The following P2RY8 variants were observed in gnomAD, a reference collection of about 807,000 sequenced individuals.
P2RY8 encodes P2Y receptor family member 8.
P2RY8 carries 6 observed loss-of-function variants against 10.0 expected under a neutral mutation model. The observed-to-expected ratio is 0.60, with a 90% CI of 0.33 to 1.19. The LOEUF is 1.19. P2RY8 is among the 50% of genes most tolerant of loss of function. The pLI is 0.04. For synonymous variants in P2RY8, 276 were observed against 252.5 expected (o/e 1.09, Z -0.88); for missense variants, 456 against 542.0 (o/e 0.84, Z 1.58).
chrX:1,513,476 G>T (rs1195213085), intron 1 of P2RY8, among the ~76,000 whole-genome samples: 1 of 151,444 alleles, frequency 6.6e-6, no homozygotes, highest in Non-Finnish European at 1.5e-5. Context: ...CCCTGGGCTT[G>T]TGGCCGCATC....
intron 1 of P2RY8, among the ~76,000 whole-genome samples, chrX:1,528,696 C>G (rs1603458663): frequency 6.6e-6 from 1 of 151,396 alleles, no homozygotes. Flanking sequence ...GGACTTGAGT[C>G]TCTTTGAATG....
At chrX:1,475,361 T>G (rs1458301407) in intron 1 of P2RY8, among the ~76,000 whole-genome samples, 1 of 151,702 alleles carries the variant, frequency 6.6e-6, no homozygotes, top group African/African-American at 2.4e-5. Flanking sequence ...GAAATGCCGA[T>G]TGTTTCCAGA....
intron 1 of P2RY8, among the ~76,000 whole-genome samples, chrX:1,523,391 G>C (rs1310416240): frequency 1.3e-5 from 2 of 151,994 alleles, no homozygotes; most frequent in Non-Finnish European, 2.9e-5. Flanking sequence ...TCATCTCCCT[G>C]GTCCCCAATA....
chrX:1,499,979 C>T (rs1464069736), intron 1 of P2RY8, among the ~76,000 whole-genome samples: 1 of 137,622 alleles, frequency 7.3e-6, no homozygotes, highest in East Asian at 2.3e-4. Context: ...CTGCCTCAGC[C>T]TCCCGAGTAG....
At chrX:1,477,081 T>G (rs2091882968) in intron 1 of P2RY8, among the ~76,000 whole-genome samples, 1 of 151,456 alleles carries the variant, frequency 6.6e-6, no homozygotes, top group Non-Finnish European at 1.5e-5. Flanking sequence ...CCCAGCTACT[T>G]GGGAGGCTGA....
rs2091628790 is a variant in P2RY8, at chrX:1,464,203, A to G, written c.*1276T>C. On this transcript the variant is annotated 3_prime_UTR_variant, in exon 2 of 2. Transcript: ENST00000381297. ...CCTCCAGAATGGTCTTTCTCGCCCA[A>G]GAGAGCCTGGGATCCAATTCCACGT... The G allele has an allele frequency of 4.3e-6, 1 of 233,410 alleles. No individual in the cohort carries two copies. The highest frequency in any genetic ancestry group is 5.6e-5 in the Admixed American group (1 of 17,804). 14.5% of individuals were successfully genotyped at this position (233,410 alleles called of 1,614,324 possible).
chrX:1,512,419 T>C (rs746272592), intron 1 of P2RY8, among the ~76,000 whole-genome samples: 4 of 151,654 alleles, frequency 2.6e-5, no homozygotes, highest in Admixed American at 2.0e-4. Context: ...TGGTGGTGGG[T>C]ACCTGTCATC....
intron 1 of P2RY8, among the ~76,000 whole-genome samples, chrX:1,520,247 A>G (rs2092381207): frequency 1.4e-5 from 2 of 147,374 alleles, no homozygotes; most frequent in Admixed American, 1.4e-4. Context: ...AATCTCTCTG[A>G]TCCCAATATT....
rs753461463 is a variant in P2RY8, at chrX:1,466,123, C to T, written c.436G>A (p.Gly146Arg). 3 of 1,611,604 alleles carry T rather than the reference C, an allele frequency of 1.9e-6. No homozygotes were observed. Among genetic ancestry groups the T allele is most frequent in the African/African-American group, 1.3e-5 (1 of 74,866 alleles). ...RRRYAVAACAGTWLLLLTALS... is the reference protein window; with the variant it reads ...RRRYAVAACARTWLLLLTALS... ...GCGGTCAGGAGCAGCAGCCAGGTCCCTGCACACGCGGCCACCGCGTAACGA... is the reference window on the plus strand; with the variant it reads ...GCGGTCAGGAGCAGCAGCCAGGTCCTTGCACACGCGGCCACCGCGTAACGA... The change falls in exon 2 of 2, where the codon GGG becomes AGG. Residue 146 changes from glycine to arginine, a missense_variant. Physicochemically the swap from Gly to Arg is moderately radical, Grantham distance 125. Transcript: ENST00000381297.
rs1257174771 is a variant in P2RY8, at chrX:1,465,454, G to A, written c.*25C>T. 1.3e-6 allele frequency: 2 copies of A among 1,574,916 alleles called. No homozygotes were observed. The highest frequency in any genetic ancestry group is 2.2e-5 in the East Asian group (1 of 44,486). Reference sequence around the variant, plus strand: ...CCTGGATCTCCAAGCTGCGCCCCCGGCTCTCCAAGCTGCGCCCCCGGGACT... The same window carrying A: ...CCTGGATCTCCAAGCTGCGCCCCCGACTCTCCAAGCTGCGCCCCCGGGACT... On this transcript the variant is annotated 3_prime_UTR_variant, in exon 2 of 2. Coordinates refer to ENST00000381297, the MANE Select transcript of P2RY8 (RefSeq NM_178129.5).
chrX:1,481,977 T>C, intron 1 of P2RY8, among the ~76,000 whole-genome samples: 1 of 152,312 alleles, frequency 6.6e-6, no homozygotes, highest in South Asian at 2.1e-4. Flanking sequence ...ATTTGCATGC[T>C]GTCCTCCGCA....
chrX:1,507,375 A>G (rs778676139), intron 1 of P2RY8, among the ~76,000 whole-genome samples: 24 of 152,158 alleles, frequency 1.6e-4, no homozygotes, highest in African/African-American at 5.3e-4. Context: ...CTACTTCCTG[A>G]GTCCTGGAAA....
intron 1 of P2RY8, among the ~76,000 whole-genome samples, chrX:1,491,485 T>C (rs1449701710): frequency 6.6e-6 from 1 of 152,234 alleles, no homozygotes; most frequent in Non-Finnish European, 1.5e-5. Context: ...GTGTAGGGTT[T>C]TCTCCCTAAA....
intron 1 of P2RY8, among the ~76,000 whole-genome samples, chrX:1,525,994 T>G (rs1281172119): frequency 1.1e-4 from 16 of 152,058 alleles, no homozygotes; most frequent in African/African-American, 3.6e-4. Flanking sequence ...TATTCATGCA[T>G]CCATTCACTC....
At chrX:1,499,910 G>A (rs1245216080) in intron 1 of P2RY8, among the ~76,000 whole-genome samples, 2 of 151,742 alleles carry the variant, frequency 1.3e-5, no homozygotes, top group African/African-American at 4.8e-5. Context: ...CCAGGCTGGA[G>A]TGCAGTGGTG....
intron 1 of P2RY8, among the ~76,000 whole-genome samples, chrX:1,536,026 T>C (rs1206392773): frequency 3.9e-5 from 6 of 152,092 alleles, no homozygotes; most frequent in South Asian, 2.1e-4. Flanking sequence ...ACCGTGCTCA[T>C]CCAGGCACCC....
At chrX:1,529,424 G>A (rs1444378637) in intron 1 of P2RY8, among the ~76,000 whole-genome samples, 2 of 152,074 alleles carry the variant, frequency 1.3e-5, no homozygotes, top group African/African-American at 2.4e-5. Context: ...TCACCCTGTG[G>A]TTCAGAATTG....
chrX:1,526,347 C>T (rs1243362037), intron 1 of P2RY8, among the ~76,000 whole-genome samples: 1 of 152,058 alleles, frequency 6.6e-6, no homozygotes, highest in Non-Finnish European at 1.5e-5. Flanking sequence ...TCCATCCATC[C>T]ATCTACTCAG....
intron 1 of P2RY8, among the ~76,000 whole-genome samples, chrX:1,524,633 C>A (rs2092422795): frequency 1.2e-5 from 1 of 85,156 alleles, no homozygotes; most frequent in Non-Finnish European, 2.4e-5. Flanking sequence ...ATTCATCCAT[C>A]CATCCATCCA....
Sources: allele counts gnomAD v4.1 joint callset (sites outside exome capture counted in the v4.1 genomes callset), GRCh38; gene constraint gnomAD v4.1.1; transcripts MANE v1.5; gene names NCBI Gene and HGNC (gene_info 2026-07-23, HGNC 2026-07-21).